ARPP21: variants seen among roughly 807,000 people sequenced by gnomAD.
ARPP21 encodes cAMP-regulated phosphoprotein 21.
A neutral mutation model predicts 113.2 loss-of-function variants in ARPP21; 69 were observed. The observed-to-expected ratio is 0.61, with a 90% CI of 0.50 to 0.74. The LOEUF (loss-of-function observed/expected upper bound fraction) is 0.74, where lower values mean the gene tolerates loss of function less well. Among genes scored for constraint, ARPP21 ranks in the 30% least tolerant of loss-of-function variants. The pLI is 0.00. For missense variants in ARPP21, 1,070 were observed against 1,037.4 expected, an observed-to-expected ratio of 1.03 and a Z score of -0.43; for synonymous variants, 368 against 375.5, an observed-to-expected ratio of 0.98 and a Z score of 0.23.
chr3:35,713,822 A>G (rs905384908), intron 11 of ARPP21, among the ~76,000 whole-genome samples: 3 of 152,216 alleles, frequency 2.0e-5, no homozygotes, highest in Admixed American at 6.5e-5. Context: ...TCCTTCAGAC[A>G]AATAGAGTCT....
In ARPP21 at chr3:35,737,199, A is replaced by G. The variant is rs2094411565; in HGVS notation, c.1481A>G (p.Asp494Gly). Residue 494 changes from aspartate (D) to glycine (G), a missense_variant, in exon 16 of 21, where the codon GAT becomes GGT. Physicochemically the swap from Asp to Gly is moderately conservative, Grantham distance 94. Transcript: ENST00000684406. ...GCAGGCCAGCCCTTTGTGAATCCCG[A>G]TGGAACTCCTGCAATATACAACCCA... ...PHTGQPFVNP[D>G]GTPAIYNPPT... The G allele has an allele frequency of 6.2e-7, 1 of 1,609,712 alleles. No individual in the cohort carries two copies.
intron 10 of ARPP21, 40 bp from the exon 11 acceptor site, chr3:35,708,929 G>T (rs372652980): frequency 7.0e-7 from 1 of 1,419,126 alleles, no homozygotes; most frequent in Non-Finnish European, 9.9e-7. Context: ...TTCTAACAAC[G>T]CAACTTGGAT....
At chr3:35,652,459 T>A (rs1175303282) in intron 1 of ARPP21, among the ~76,000 whole-genome samples, 1 of 152,076 alleles carries the variant, frequency 6.6e-6, no homozygotes, top group Non-Finnish European at 1.5e-5. Flanking sequence ...CATTACCTCA[T>A]TGTTTTGATC....
Position 35,729,421 on chromosome 3 carries a change from T to G in ARPP21, c.1344T>G (p.Tyr448Ter). 1 of 1,614,112 alleles carries G rather than the reference T, an allele frequency of 6.2e-7. No homozygotes were observed. The highest frequency in any genetic ancestry group is 8.5e-7 in the Non-Finnish European group (1 of 1,180,020). ...CTGGCTCTCCAGGCTGTGTGCCTTA[T>G]CCAGAGAATGGAATAGGGGGCCAGG... ...VAAGSPGCVP[Y>*]PENGIGGQVA... Residue 448 changes from tyrosine (Y) to a stop codon, truncating the protein, a stop_gained, in exon 15 of 21, where the codon TAT becomes TAG. Coordinates refer to ENST00000684406, the MANE Select transcript of ARPP21 (RefSeq NM_001385562.1). LOFTEE classifies it high-confidence loss of function.
chr3:35,754,159 C>T (rs1404087247), intron 19 of ARPP21, among the ~76,000 whole-genome samples: 1 of 151,570 alleles, frequency 6.6e-6, no homozygotes, highest in Non-Finnish European at 1.5e-5. Flanking sequence ...TGTCTTTATA[C>T]CTTAATTTGC....
intron 9 of ARPP21, 22 bp downstream of exon 9, chr3:35,691,027 A>AT: frequency 6.3e-7 from 1 of 1,589,186 alleles, no homozygotes; most frequent in Non-Finnish European, 8.6e-7. Flanking sequence ...CACTGTACTT[A>AT]TTTAGCATTT....
At chr3:35,720,034 G>C (rs948447239) in intron 13 of ARPP21, among the ~76,000 whole-genome samples, 5 of 152,160 alleles carry the variant, frequency 3.3e-5, no homozygotes, top group Non-Finnish European at 1.5e-5. Flanking sequence ...GAGTTTAAGA[G>C]GTAAAGCCAC....
At chr3:35,695,919 A>G (rs1032510157) in intron 9 of ARPP21, among the ~76,000 whole-genome samples, 3 of 151,650 alleles carry the variant, frequency 2.0e-5, no homozygotes, top group African/African-American at 7.3e-5. Context: ...TGAATTGTCT[A>G]AAGTCATACT....
intron 18 of ARPP21, among the ~76,000 whole-genome samples, chr3:35,742,001 G>T (rs1199055799): frequency 6.7e-6 from 1 of 149,708 alleles, no homozygotes; most frequent in African/African-American, 2.4e-5. Context: ...TATGTCTGGG[G>T]AAAAGAAAAA....
intron 14 of ARPP21, among the ~76,000 whole-genome samples, chr3:35,726,706 A>C (rs2093566560): frequency 6.6e-6 from 1 of 152,220 alleles, no homozygotes; most frequent in Non-Finnish European, 1.5e-5. Context: ...GTCTGTCTGC[A>C]TCAACCCATC....
chr3:35,709,646 A>G (rs2090408060), intron 11 of ARPP21, among the ~76,000 whole-genome samples: 1 of 152,202 alleles, frequency 6.6e-6, no homozygotes. Context: ...AATGGTTGGA[A>G]TTTTTTATCT....
intron 1 of ARPP21, among the ~76,000 whole-genome samples, chr3:35,662,395 A>T (rs573923345): frequency 1.3e-5 from 2 of 152,172 alleles, no homozygotes; most frequent in South Asian, 4.1e-4. Context: ...TTCTGAAAGG[A>T]TGTCCTGTGA....
intron 19 of ARPP21, among the ~76,000 whole-genome samples, chr3:35,763,600 A>G (rs929024867): frequency 6.6e-6 from 1 of 152,112 alleles, no homozygotes; most frequent in African/African-American, 2.4e-5. Context: ...CTAGAATGGA[A>G]CAAAACCCCT....
chr3:35,675,706 A>G (rs2077302742), intron 1 of ARPP21, among the ~76,000 whole-genome samples: 1 of 152,042 alleles, frequency 6.6e-6, no homozygotes, highest in African/African-American at 2.4e-5. Flanking sequence ...TTCTCTGAAC[A>G]TTGCATTTTC....
At chr3:35,701,667 A>T (rs928768423) in intron 9 of ARPP21, among the ~76,000 whole-genome samples, 11 of 151,776 alleles carry the variant, frequency 7.2e-5, no homozygotes, top group Non-Finnish European at 1.3e-4. Context: ...AGTGGACAGT[A>T]TGATTTAGTT....
At chr3:35,677,218 GAATCAAATC>G (rs2077728468) in intron 1 of ARPP21, among the ~76,000 whole-genome samples, 1 of 151,732 alleles carries the variant, frequency 6.6e-6, no homozygotes, top group Non-Finnish European at 1.5e-5. Flanking sequence ...GCCGAAATTT[GAATCAAATC>G]TGACCTTTCT....
intron 15 of ARPP21, among the ~76,000 whole-genome samples, chr3:35,735,549 G>A (rs980297337): frequency 6.6e-6 from 1 of 152,196 alleles, no homozygotes; most frequent in African/African-American, 2.4e-5. Context: ...GAATGCTCAT[G>A]CAAGCCTTAT....
In ARPP21 at chr3:35,717,222, G is replaced by C. The variant is rs2092532480; in HGVS notation, c.936-76G>C. ...TGGGATTGATTTGTGCTGTAGTAGA[G>C]TACACATCCATGTAAACACAAGGCA... is the stretch of plus-strand genomic sequence containing the variant. On this transcript the variant is annotated intron_variant, in intron 12 of 20. Coordinates refer to ENST00000684406, the MANE Select transcript of ARPP21 (RefSeq NM_001385562.1). The C allele has an allele frequency of 6.1e-6, 5 of 819,242 alleles. No individual in the cohort carries two copies. The Admixed American group carries it at 9.0e-5, about 15-fold the overall frequency. 50.7% of individuals were successfully genotyped at this position (819,242 alleles called of 1,614,324 possible).
intron 3 of ARPP21, among the ~76,000 whole-genome samples, chr3:35,682,120 G>T (rs933081054): frequency 1.3e-5 from 2 of 151,826 alleles, no homozygotes; most frequent in South Asian, 2.1e-4. Context: ...TTTGCACACA[G>T]CATCCCCTTA....
Sources: gnomAD v4.1 joint callset for allele counts (sites outside exome capture counted in the v4.1 genomes callset) on GRCh38, gnomAD v4.1.1 for gene constraint, MANE v1.5 for transcripts, NCBI Gene and HGNC (gene_info 2026-07-23, HGNC 2026-07-21) for gene names.